Variants in TRIO observed in about 807,000 individuals in gnomAD.
TRIO encodes the protein trio Rho guanine nucleotide exchange factor, also known as triple functional domain protein.
In TRIO, 58 loss-of-function variants were observed where a neutral mutation model predicts 351.9. The ratio of observed to expected loss-of-function variants is 0.16; its 90% CI spans 0.13 to 0.21. The LOEUF (loss-of-function observed/expected upper bound fraction) is 0.21. TRIO is among the 10% of genes least tolerant of loss of function. The pLI is 1.00. For missense variants in TRIO, 3,201 were observed against 4,027.8 expected (o/e 0.79, Z 5.56); for synonymous variants, 1,758 against 1,595.7 (o/e 1.10, Z -2.42).
At chr5:14,426,213 CAT>C (rs377013818) in intron 34 of TRIO, among the ~76,000 whole-genome samples, 140 of 121,120 alleles carry the variant, frequency 1.2e-3, no homozygotes, top group African/African-American at 3.3e-3. Context: ...CCTTTCGTCT[CAT>C]AGACGCACAT....
intron 34 of TRIO, chr5:14,440,993 C>G (rs919136841): frequency 6.7e-6 from 1 of 149,006 alleles, no homozygotes; most frequent in African/African-American, 2.5e-5. Flanking sequence ...CTTGTGAAAC[C>G]CAACTGCAGC....
rs1757253140 is a variant in TRIO at position 14,500,951 on chromosome 5, A to C, written c.8333-1628A>C. 2.0e-5 allele frequency among the ~76,000 whole-genome samples: 3 copies of C among 149,572 alleles called. No homozygotes were observed. The South Asian group carries it at 6.4e-4, about 32-fold the overall frequency. On this transcript the variant is annotated intron_variant, in intron 53 of 56. Transcript: ENST00000344204. ...AAGAAAGGTGTGTTTTAGAGGAGCC[A>C]GGGAGCACCTGCCCACTATGATGCT...
Position 14,419,811 on chromosome 5 carries a change from C to G in TRIO, c.4993C>G (p.His1665Asp), listed in dbSNP as rs1749962474. The change falls in exon 34 of 57, where the codon CAT becomes GAT. Residue 1665 changes from histidine (H) to aspartate (D), a missense_variant. Physicochemically the swap from His to Asp is moderately conservative, Grantham distance 81 (BLOSUM62 -1). Around this residue, in one of 19 missense-constraint regions of TRIO, gnomAD observed 136 missense variants for 229.5 expected, o/e 0.59. Transcript: ENST00000344204. The stretch of plus-strand genomic sequence containing the variant: ...TGGCTGTGAGCTGACAGTGGTGATC[C>G]ATGACTTCACCGCTTGCAACAGCAA... Reference protein sequence around the residue: ...SGGCELTVVIHDFTACNSNEL... With the variant: ...SGGCELTVVIDDFTACNSNEL... The G allele has an allele frequency of 6.2e-7, 1 of 1,614,096 alleles. No individual in the cohort carries two copies. Among genetic ancestry groups the G allele is most frequent in the Non-Finnish European group, 8.5e-7 (1 of 1,180,056 alleles).
chr5:14,428,598 A>G (rs933966426), intron 34 of TRIO, among the ~76,000 whole-genome samples: 6 of 152,216 alleles, frequency 3.9e-5, no homozygotes, highest in African/African-American at 1.2e-4. Flanking sequence ...GCGTATAATT[A>G]TGGAGCCACA....
Position 14,316,581 on chromosome 5 carries a change from C to G in TRIO, c.1569C>G (p.Ser523=). The G allele has an allele frequency of 1.9e-6, 3 of 1,614,224 alleles. No homozygotes were observed. In the Middle Eastern group the frequency reaches 5.0e-4, roughly 266 times the overall value. ...CCTTGACTCCCGGCAGCTCCGATTC[C>G]CTGACAGCCTCTGCCAACTACTCCA... is the stretch of plus-strand genomic sequence containing the variant. ...QRPLTPGSSD[S]LTASANYSKA... The change falls in exon 9 of 57, where the codon TCC becomes TCG. Residue 523 remains serine (S), a synonymous_variant. Coordinates refer to ENST00000344204, the MANE Select transcript of TRIO (RefSeq NM_007118.4).
chr5:14,463,743 C>G (rs1401292056), intron 36 of TRIO, among the ~76,000 whole-genome samples: 2 of 151,936 alleles, frequency 1.3e-5, no homozygotes, highest in Non-Finnish European at 2.9e-5. Context: ...CATCTTCCCC[C>G]ATGCTTCCCT....
chr5:14,381,877 T>G (rs565621692), intron 21 of TRIO, among the ~76,000 whole-genome samples: 1 of 152,310 alleles, frequency 6.6e-6, no homozygotes, highest in Admixed American at 6.5e-5. Context: ...TGTGAGTAAA[T>G]ATGGCTTTTT....
chr5:14,196,524 A>C (rs527402291), intron 1 of TRIO, among the ~76,000 whole-genome samples: 1 of 151,992 alleles, frequency 6.6e-6, no homozygotes, highest in African/African-American at 2.4e-5. Flanking sequence ...ATTTGAGAGC[A>C]TTCATGTTTT....
chr5:14,295,678 C>T (rs1195824295), intron 6 of TRIO, among the ~76,000 whole-genome samples: 1 of 152,126 alleles, frequency 6.6e-6, no homozygotes, highest in African/African-American at 2.4e-5. Flanking sequence ...TGTCACTTTA[C>T]TAGGAGGGAG....
chr5:14,337,053 C>G (rs73748809), intron 11 of TRIO, among the ~76,000 whole-genome samples: 13,059 of 152,186 alleles, frequency 0.086, 922 homozygotes, highest in African/African-American at 0.19. Flanking sequence ...TCCTTCCTGG[C>G]TGTGAACCTG....
At position 14,336,727 on chromosome 5, in the gene TRIO, G is replaced by A. The variant is rs2152319409; in HGVS notation, c.2046G>A (p.Glu682=). 1 of 1,614,090 alleles carries A rather than the reference G, an allele frequency of 6.2e-7. No homozygotes were observed. Among genetic ancestry groups the A allele is most frequent in the Non-Finnish European group, 8.5e-7 (1 of 1,179,970 alleles). Residue 682 remains glutamate (E), a splice_region_variant and synonymous_variant, in exon 11 of 57, where the codon GAG becomes GAA. Transcript: ENST00000344204. ...TGTCCTTTCACACCCATGTGAAAGA[G>A]GTAAGGTGCCAGGAGACCAAAATAT... ...MSVSFHTHVK[E]LWTWLEELQK...
intron 41 of TRIO, among the ~76,000 whole-genome samples, chr5:14,477,907 A>T (rs1755211657): frequency 1.3e-5 from 2 of 152,358 alleles, no homozygotes; most frequent in African/African-American, 4.8e-5. Flanking sequence ...AGAGTGGCAG[A>T]TACATATTTC....
chr5:14,364,622 TTCTAGGG>T (rs1198121034), intron 14 of TRIO, 21 bp from the exon 15 acceptor site: 2 of 1,589,358 alleles, frequency 1.3e-6, no homozygotes, highest in African/African-American at 2.7e-5. Context: ...GCTAGCTGAA[TTCTAGGG>T]TCTCCCTTTA....
chr5:14,501,933 T>C (rs552408744), intron 53 of TRIO, among the ~76,000 whole-genome samples: 1 of 152,336 alleles, frequency 6.6e-6, no homozygotes, highest in South Asian at 2.1e-4. Context: ...GTGCTTCTTT[T>C]CACAGGAAGA....
In TRIO at chr5:14,362,661, G is replaced by T. The variant is rs867752255; in HGVS notation, c.2392-1071G>T. 2.6e-5 allele frequency among the ~76,000 whole-genome samples: 4 copies of T among 152,100 alleles called. No homozygotes were observed. In the East Asian group the frequency reaches 7.7e-4, roughly 29 times the overall value. ...AGTTAGATGCAAAGACCTGATTCTG[G>T]TTCTGTTTTTGTGCACGAGTCTTTG... On this transcript the variant is annotated intron_variant, in intron 13 of 56. Coordinates refer to ENST00000344204, the MANE Select transcript of TRIO (RefSeq NM_007118.4).
At chr5:14,358,610 T>C (rs928493133) in intron 12 of TRIO, among the ~76,000 whole-genome samples, 11 of 152,370 alleles carry the variant, frequency 7.2e-5, no homozygotes, top group African/African-American at 2.4e-4. Flanking sequence ...TTAATTTTAA[T>C]ATTTTCTCTT....
intron 1 of TRIO, among the ~76,000 whole-genome samples, chr5:14,191,103 T>G (rs1425353640): frequency 6.6e-6 from 1 of 152,230 alleles, no homozygotes; most frequent in Non-Finnish European, 1.5e-5. Context: ...TGGCTCGCAC[T>G]GTGTTGACCA....
At chr5:14,247,532 G>A (rs919988272) in intron 1 of TRIO, among the ~76,000 whole-genome samples, 1 of 152,180 alleles carries the variant, frequency 6.6e-6, no homozygotes, top group Non-Finnish European at 1.5e-5. Context: ...TTGATCATTT[G>A]AACCCTGTTT....
At chr5:14,234,424 T>C (rs971413643) in intron 1 of TRIO, among the ~76,000 whole-genome samples, 1 of 152,152 alleles carries the variant, frequency 6.6e-6, no homozygotes, top group Non-Finnish European at 1.5e-5. Context: ...TTCCCTGTTG[T>C]TGAGAGATGG....
Sources: gnomAD v4.1 joint callset for allele counts (sites outside exome capture counted in the v4.1 genomes callset) on GRCh38, gnomAD v4.1.1 for gene constraint, gnomAD v4.1.1 regional missense constraint, MANE v1.5 for transcripts, NCBI Gene and HGNC (gene_info 2026-07-23, HGNC 2026-07-21) for gene names.